Variants in KY observed in about 807,000 individuals in gnomAD.
KY encodes the protein kyphoscoliosis peptidase.
KY carries 43 observed loss-of-function variants against 76.1 expected under a neutral mutation model. That is an observed-to-expected ratio of 0.57 (90% CI 0.44 to 0.73). KY has a LOEUF of 0.73. Ranked by LOEUF, KY falls within the 30% of genes least tolerant of loss-of-function variation. The pLI, the probability that KY is intolerant of heterozygous loss-of-function variation, is 0.00. For missense variants in KY, 722 were observed against 828.9 expected, an observed-to-expected ratio of 0.87 and a Z score of 1.58; for synonymous variants, 277 against 326.2, an observed-to-expected ratio of 0.85 and a Z score of 1.63.
chr3:134,628,287 C>G (rs1427584056), intron 4 of KY, among the ~76,000 whole-genome samples: 4 of 152,156 alleles, frequency 2.6e-5, no homozygotes, highest in Non-Finnish European at 5.9e-5. Context: ...TAAATTATTC[C>G]TTGGGAGGAT....
In KY at chr3:134,625,090, AG is replaced by A; in HGVS notation, c.445del (p.Leu149CysfsTer14). On this transcript the variant is annotated frameshift_variant, in exon 6 of 11. Coordinates refer to ENST00000423778, the MANE Select transcript of KY (RefSeq NM_178554.6). LOFTEE classifies it high-confidence loss of function. ...GATATCCAATTTCTCAAACTGCTGC[AG>A]GTCCAGGGACATGGATTTCAGGCTA... is the stretch of plus-strand genomic sequence containing the variant. ...RSSLKSMSLD[L>X]QQFEKLDIYA... is the part of the protein sequence containing the mutation. 6.2e-7 allele frequency: 1 copy of A among 1,602,892 alleles called. No individual in the cohort carries two copies. The highest frequency in any genetic ancestry group is 8.5e-7 in the Non-Finnish European group (1 of 1,174,608).
chr3:134,623,136 A>G lies in KY; in HGVS notation c.483+1917T>C, dbSNP rs189892548. On this transcript the variant is annotated intron_variant, in intron 6 of 10. Coordinates refer to ENST00000423778, the MANE Select transcript of KY (RefSeq NM_178554.6). ...TGACTTAGCCTTCTACTTCAGTGCC[A>G]TGGCTTCTGGTCCTTTGGTCCCCAC... is the stretch of plus-strand genomic sequence containing the variant. Among the ~76,000 whole-genome samples the G allele has an allele frequency of 2.6e-5, 4 of 152,268 alleles. No homozygotes were observed. The East Asian group carries it at 7.7e-4, about 29-fold the overall frequency.
intron 5 of KY, among the ~76,000 whole-genome samples, 184 bp downstream of exon 5, chr3:134,627,572 T>TTC (rs1209134575): frequency 6.6e-6 from 1 of 152,240 alleles, no homozygotes; most frequent in Non-Finnish European, 1.5e-5. Context: ...AGCTTTTTCC[T>TTC]TCTCCACCTG....
In KY at chr3:134,610,376, C is replaced by T. The variant is rs772213051; in HGVS notation, c.718G>A (p.Gly240Arg). 3.6e-5 allele frequency: 58 copies of T among 1,611,070 alleles called. No homozygotes were observed. The highest frequency in any genetic ancestry group is 3.3e-4 in the Middle Eastern group (2 of 6,022). Reference protein sequence around the residue: ...GLFERMCRLAGVQCMTVPGYS... With the variant: ...GLFERMCRLARVQCMTVPGYS... ...CCAGGCACGGTCATACACTGCACTC[C>T]GGCGAGCCTGGGGGCAGGACAGGGG... The change falls in exon 9 of 11, where the codon GGA becomes AGA. Residue 240 changes from glycine to arginine, a missense_variant. By Grantham distance (125) the Gly-to-Arg change is moderately radical (BLOSUM62 -2). This residue lies in a region of KY where 552 missense variants were observed against 680.9 expected (regional missense o/e 0.81). Coordinates refer to ENST00000423778, the MANE Select transcript of KY (RefSeq NM_178554.6).
In KY at chr3:134,619,361, C is replaced by A. The variant is rs1176473428; in HGVS notation, c.593-96G>T. 7 of 865,152 alleles carry A rather than the reference C, an allele frequency of 8.1e-6. No homozygotes were observed. The Admixed American group carries it at 1.3e-4, about 16-fold the overall frequency. 53.6% of individuals were successfully genotyped at this position (865,152 alleles called of 1,614,324 possible). Reference sequence around the variant, plus strand: ...GCTGTGCTCTGGCCATCACCAGCCCCAGGAAACTACAGTGGGCTGAATGGA... The same window carrying A: ...GCTGTGCTCTGGCCATCACCAGCCCAAGGAAACTACAGTGGGCTGAATGGA... On this transcript the variant is annotated intron_variant, in intron 7 of 10. Coordinates refer to ENST00000423778, the MANE Select transcript of KY (RefSeq NM_178554.6).
At chr3:134,646,670 G>C (rs1022378405) in intron 2 of KY, among the ~76,000 whole-genome samples, 2 of 152,146 alleles carry the variant, frequency 1.3e-5, no homozygotes, top group African/African-American at 4.8e-5. Context: ...CCCCATTTGT[G>C]TCATGGAGGG....
At chr3:134,638,640 T>TCCTTGCTTTTC (rs1157838314) in intron 3 of KY, among the ~76,000 whole-genome samples, 2 of 152,228 alleles carry the variant, frequency 1.3e-5, no homozygotes, top group Non-Finnish European at 2.9e-5. Flanking sequence ...CCGCCAGCTC[T>TCCTTGCTTTTC]CCTTGCTTTT....
At chr3:134,641,714 G>A (rs1445431566) in intron 3 of KY, among the ~76,000 whole-genome samples, 3 of 151,986 alleles carry the variant, frequency 2.0e-5, no homozygotes, top group Admixed American at 6.6e-5. Flanking sequence ...ATACAACCCC[G>A]CACAGCCCCA....
At position 134,643,299 on chromosome 3, in the gene KY, A is replaced by C. The variant is rs1965990793; in HGVS notation, c.262+17T>G. On this transcript the variant is annotated intron_variant, in intron 3 of 10. Transcript: ENST00000423778. ...CACCTCTGCAGGGGAGGTCACGGCT[A>C]GCGGCGAATCACTTACCTTGGCTGT... 1.9e-6 allele frequency: 3 copies of C among 1,613,220 alleles called. No individual in the cohort carries two copies.
Position 134,640,463 on chromosome 3 carries a change from G to A in KY, c.262+2853C>T, listed in dbSNP as rs967043795. Among the ~76,000 whole-genome samples, 6 of 152,122 alleles carry A rather than the reference G, an allele frequency of 3.9e-5. No individual in the cohort carries two copies. The South Asian group carries it at 6.2e-4, about 16-fold the overall frequency. ...TTGTGGAGATTAAATGAGGTGAGCC[G>A]TGAGAGGGGCTTAGCTTAATATCTG... On this transcript the variant is annotated intron_variant, in intron 3 of 10. Transcript: ENST00000423778.
chr3:134,603,534 G>A lies in KY; in HGVS notation c.*45C>T. The A allele has an allele frequency of 6.6e-7, 1 of 1,518,980 alleles. No homozygotes were observed. Among genetic ancestry groups the A allele is most frequent in the Non-Finnish European group, 8.9e-7 (1 of 1,127,254 alleles). The allele number at this position is 1,518,980 out of a possible 1,614,324, so 94.1% of individuals were successfully genotyped here. The stretch of plus-strand genomic sequence containing the variant: ...ACTTCCTTCGAGCCCTCCCTGGGGA[G>A]GTCTGGCCTTGGCCCTTTGGGAGGG... On this transcript the variant is annotated 3_prime_UTR_variant, in exon 11 of 11. Coordinates refer to ENST00000423778, the MANE Select transcript of KY (RefSeq NM_178554.6).
In KY at chr3:134,603,675, G is replaced by A; in HGVS notation, c.1890C>T (p.Ser630=). 2.5e-6 allele frequency: 4 copies of A among 1,613,852 alleles called. No homozygotes were observed. The highest frequency in any genetic ancestry group is 3.4e-6 in the Non-Finnish European group (4 of 1,179,810). Residue 630 remains serine, a synonymous_variant, in exon 11 of 11, where the codon AGC becomes AGT. Coordinates refer to ENST00000423778, the MANE Select transcript of KY (RefSeq NM_178554.6). The stretch of plus-strand genomic sequence containing the variant: ...CATAGACTTCCTGGCAGCCAGCTGT[G>A]CTGCAGCTTCCCTCCCAGTAGCCCT... ...NHEGYWEGSC[S]TAGCQEVYVM...
intron 8 of KY, among the ~76,000 whole-genome samples, chr3:134,617,516 C>T (rs1167089629): frequency 2.6e-5 from 4 of 152,144 alleles, no homozygotes; most frequent in Non-Finnish European, 5.9e-5. Flanking sequence ...ACAGGTAATT[C>T]CTGTATGCAC....
chr3:134,607,582 G>A (rs1409083982), intron 10 of KY: 1 of 985,478 alleles, frequency 1.0e-6, no homozygotes, highest in Admixed American at 6.1e-5. Context: ...CCCAGGCTGT[G>A]TGCCCAGCAC....
chr3:134,639,484 T>C (rs565725213), intron 3 of KY, among the ~76,000 whole-genome samples: 18 of 152,302 alleles, frequency 1.2e-4, no homozygotes, highest in African/African-American at 4.1e-4. Context: ...GGACCATTCA[T>C]GATTCCTTCT....
intron 6 of KY, 116 bp downstream of exon 6, chr3:134,624,937 C>T (rs1267339828): frequency 7.9e-6 from 7 of 887,010 alleles, no homozygotes; most frequent in Non-Finnish European, 1.3e-5. Context: ...CATTCCAGGG[C>T]CATCCAACCA....
intron 10 of KY, chr3:134,608,230 G>A: frequency 1.7e-6 from 2 of 1,189,306 alleles, no homozygotes; most frequent in Non-Finnish European, 1.1e-6. Context: ...GGGGACCTGA[G>A]CCCAGAGGCT....
intron 6 of KY, among the ~76,000 whole-genome samples, chr3:134,624,053 C>T (rs1180643380): frequency 6.6e-6 from 1 of 152,212 alleles, no homozygotes; most frequent in Non-Finnish European, 1.5e-5. Flanking sequence ...GCCACAGACA[C>T]TAGAGCCCCT....
Position 134,603,380 on chromosome 3 carries a change from C to T in KY, c.*199G>A. 1 of 510,690 alleles carries T rather than the reference C, an allele frequency of 2.0e-6. No homozygotes were observed. The highest frequency in any genetic ancestry group is 3.4e-6 in the Non-Finnish European group (1 of 291,800). 31.6% of individuals were successfully genotyped at this position (510,690 alleles called of 1,614,324 possible). A position where few individuals can be genotyped will look rare whatever the true frequency, so the allele number is the denominator to read the frequency against. On this transcript the variant is annotated 3_prime_UTR_variant, in exon 11 of 11. Transcript: ENST00000423778. ...TAAAGAGCCACTGCCTCTGCCCCCT[C>T]AGTCACAGCCACACCTGAGTGAAGC...
Sources: gnomAD v4.1 joint callset for allele counts (sites outside exome capture counted in the v4.1 genomes callset) on GRCh38, gnomAD v4.1.1 for gene constraint, gnomAD v4.1.1 regional missense constraint, MANE v1.5 for transcripts, NCBI Gene and HGNC (gene_info 2026-07-23, HGNC 2026-07-21) for gene names.